CHD1: variants seen among roughly 807,000 people sequenced by gnomAD.
CHD1 encodes the protein ATP-dependent chromatin remodeler CHD1.
Under a neutral mutation model 224.2 loss-of-function variants are expected in CHD1, and 36 were observed. The observed-to-expected ratio is 0.16, with a 90% CI of 0.12 to 0.21. The LOEUF (loss-of-function observed/expected upper bound fraction) is 0.21. Among genes scored for constraint, CHD1 ranks in the 10% least tolerant of loss-of-function variants. The probability of loss-of-function intolerance (pLI) is 1.00; values close to 1 mark genes in which losing one functional copy is unlikely to be tolerated. For synonymous variants in CHD1, 668 were observed against 658.3 expected (o/e 1.01, Z -0.23); for missense variants, 1,378 against 1,994.8 (o/e 0.69, Z 5.89).
At chr5:98,892,842 T>G in intron 14 of CHD1, 129 bp from the exon 15 acceptor site, 1 of 505,072 alleles carries the variant, frequency 2.0e-6, no homozygotes, top group Non-Finnish European at 3.4e-6. Flanking sequence ...AAAAATTAGC[T>G]AAACTTAGTT....
chr5:98,856,163 GTAC>G lies in CHD1; in HGVS notation c.*214_*216del, dbSNP rs1748004494. 2.5e-6 allele frequency: 1 copy of G among 393,986 alleles called. No individual in the cohort carries two copies. Among genetic ancestry groups the G allele is most frequent in the Non-Finnish European group, 4.6e-6 (1 of 216,934 alleles). 24.4% of individuals were successfully genotyped at this position (393,986 alleles called of 1,614,324 possible). A position where few individuals can be genotyped will look rare whatever the true frequency, so the allele number is the denominator to read the frequency against. On this transcript the variant is annotated 3_prime_UTR_variant, in exon 36 of 36. Coordinates refer to ENST00000614616, the MANE Select transcript of CHD1 (RefSeq NM_001270.4). Reference sequence around the variant, plus strand: ...TCTTTAAAAAAGAAAACAAAAAAAAGTACTACAATTTTGTAGTACAGTGCAGCA... The same window carrying G: ...TCTTTAAAAAAGAAAACAAAAAAAAGTACAATTTTGTAGTACAGTGCAGCA...
In CHD1 at chr5:98,888,100, T is replaced by C. The variant is rs762828835; in HGVS notation, c.2484A>G (p.Gln828=). Reference sequence around the variant, plus strand: ...ATTAAATGCTTACTTGAAAGGGGAATTGACGATATTTCAAATATTCTGCAA... The same window carrying C: ...ATTAAATGCTTACTTGAAAGGGGAACTGACGATATTTCAAATATTCTGCAA... ...DILAEYLKYR[Q]FPFQRLDGSI... is the part of the protein sequence containing the mutation. The change falls in exon 17 of 36, where the codon CAA becomes CAG. Residue 828 remains glutamine, a synonymous_variant. Coordinates refer to ENST00000614616, the MANE Select transcript of CHD1 (RefSeq NM_001270.4). The C allele has an allele frequency of 3.1e-6, 5 of 1,590,832 alleles. No homozygotes were observed. The highest frequency in any genetic ancestry group is 2.3e-5 in the South Asian group (2 of 86,672).
intron 23 of CHD1, among the ~76,000 whole-genome samples, chr5:98,876,905 T>C (rs1358495152): frequency 1.3e-5 from 2 of 152,224 alleles, no homozygotes; most frequent in African/African-American, 4.8e-5. Flanking sequence ...CAGCAGCTCA[T>C]GCCTGTAATC....
chr5:98,881,000 T>C, intron 22 of CHD1, 76 bp downstream of exon 22: 1 of 862,104 alleles, frequency 1.2e-6, no homozygotes, highest in Non-Finnish European at 1.9e-6. Context: ...TAAAGAAAGA[T>C]TAACAAACCA....
chr5:98,858,867 CAAGGT>C lies in CHD1; in HGVS notation c.4576+92_4576+96del, dbSNP rs1378568219. The stretch of plus-strand genomic sequence containing the variant: ...ATATAAAGGTACTTATAAATAAAAA[CAAGGT>C]AAGAACCTTTTTTATCATTTGGTTT... On this transcript the variant is annotated intron_variant, in intron 34 of 35. Coordinates refer to ENST00000614616, the MANE Select transcript of CHD1 (RefSeq NM_001270.4). 1.0e-4 allele frequency: 71 copies of C among 679,642 alleles called. 1 individual carries two copies. In the East Asian group the frequency reaches 2.2e-3, roughly 21 times the overall value. The allele number at this position is 679,642 out of a possible 1,614,324, so 42.1% of individuals were successfully genotyped here. A position where few individuals can be genotyped will look rare whatever the true frequency, so the allele number is the denominator to read the frequency against.
chr5:98,883,850 TATATATATA>T (rs1750403678), intron 18 of CHD1: 21 of 34,370 alleles, frequency 6.1e-4, no homozygotes, highest in African/African-American at 2.4e-3. Context: ...TATATATATA[TATATATATA>T]TATTTTTTTT....
At chr5:98,923,574 C>T (rs1753249608) in intron 2 of CHD1, among the ~76,000 whole-genome samples, 1 of 151,990 alleles carries the variant, frequency 6.6e-6, no homozygotes, top group South Asian at 2.1e-4. Flanking sequence ...GCCACCACAC[C>T]CAGCTCATTT....
chr5:98,857,359 T>C (rs537405728), intron 35 of CHD1, among the ~76,000 whole-genome samples: 6 of 151,802 alleles, frequency 4.0e-5, no homozygotes, highest in African/African-American at 1.5e-4. Context: ...TGTAACTATA[T>C]TGCATAAGCC....
intron 26 of CHD1, among the ~76,000 whole-genome samples, chr5:98,873,182 A>G (rs1749488215): frequency 6.6e-6 from 1 of 152,184 alleles, no homozygotes; most frequent in Non-Finnish European, 1.5e-5. Flanking sequence ...ACAGCAAAAT[A>G]AGCATAATAA....
chr5:98,917,988 C>T (rs1199731616), intron 2 of CHD1, among the ~76,000 whole-genome samples: 2 of 152,120 alleles, frequency 1.3e-5, no homozygotes, highest in Non-Finnish European at 2.9e-5. Context: ...AATACAGTCC[C>T]CATTGGCAGT....
At chr5:98,886,419 T>C (rs1258892807) in intron 17 of CHD1, among the ~76,000 whole-genome samples, 1 of 152,230 alleles carries the variant, frequency 6.6e-6, no homozygotes, top group East Asian at 1.9e-4. Context: ...CAGGAAAACA[T>C]GTAGCACAGT....
chr5:98,892,851 T>G (rs1262637047), intron 14 of CHD1, 138 bp from the exon 15 acceptor site: 3 of 495,368 alleles, frequency 6.1e-6, no homozygotes, highest in Non-Finnish European at 7.0e-6. Context: ...CTAAACTTAG[T>G]TACCTCTAAA....
intron 21 of CHD1, 42 bp downstream of exon 21, chr5:98,881,237 T>C (rs775620202): frequency 3.1e-6 from 4 of 1,273,976 alleles, no homozygotes; most frequent in Admixed American, 2.6e-5. Context: ...ATATGACACA[T>C]ATTCTGAGGC....
At chr5:98,874,093 TATGA>T (rs1032648601) in intron 25 of CHD1, among the ~76,000 whole-genome samples, 6 of 151,676 alleles carry the variant, frequency 4.0e-5, no homozygotes, top group Admixed American at 3.9e-4. Context: ...ACCAAATAGA[TATGA>T]ATGATTAATA....
chr5:98,911,507 A>T (rs1279625596), intron 2 of CHD1, among the ~76,000 whole-genome samples: 1 of 152,176 alleles, frequency 6.6e-6, no homozygotes, highest in Non-Finnish European at 1.5e-5. Flanking sequence ...TAATTTACAT[A>T]GACTCAAAGT....
intron 12 of CHD1, 74 bp downstream of exon 12, chr5:98,896,152 C>T: frequency 7.6e-7 from 1 of 1,323,408 alleles, no homozygotes; most frequent in South Asian, 1.2e-5. Flanking sequence ...GAAACCCCAT[C>T]TCAAAACAAC....
At chr5:98,874,398 C>G (rs185664753) in intron 25 of CHD1, among the ~76,000 whole-genome samples, 2 of 151,868 alleles carry the variant, frequency 1.3e-5, no homozygotes, top group Admixed American at 6.6e-5. Flanking sequence ...ATTTGAGAAA[C>G]TTAAGAAAAT....
chr5:98,907,666 G>C (rs1752135807), intron 2 of CHD1, among the ~76,000 whole-genome samples: 1 of 150,060 alleles, frequency 6.7e-6, no homozygotes, highest in African/African-American at 2.5e-5. Context: ...TACAGTTTAA[G>C]TGAAAAAAAG....
chr5:98,895,680 G>A (rs543548273), intron 12 of CHD1, among the ~76,000 whole-genome samples: 1 of 145,588 alleles, frequency 6.9e-6, no homozygotes, highest in Non-Finnish European at 1.5e-5. Flanking sequence ...TTGAACCTGG[G>A]AGGTGGAGGT....
Sources: allele counts gnomAD v4.1 joint callset (sites outside exome capture counted in the v4.1 genomes callset), GRCh38; gene constraint gnomAD v4.1.1; transcripts MANE v1.5; gene names NCBI Gene and HGNC (gene_info 2026-07-23, HGNC 2026-07-21).